Variants in DGKG observed in about 807,000 individuals in gnomAD.
The protein encoded by DGKG is diacylglycerol kinase gamma.
In DGKG, 78 loss-of-function variants were observed where a neutral mutation model predicts 105.3. The observed-to-expected ratio is 0.74, with a 90% confidence interval of 0.62 to 0.89. The LOEUF is 0.89. DGKG is among the 40% of genes least tolerant of loss of function. The pLI, the probability that DGKG is intolerant of heterozygous loss-of-function variation, is 0.00. For missense variants in DGKG, 958 were observed against 1,020.1 expected (o/e 0.94, Z 0.83); for synonymous variants, 346 against 367.1 (o/e 0.94, Z 0.66).
chr3:186,279,883 G>T lies in DGKG; in HGVS notation c.760C>A (p.Pro254Thr). 3 of 1,613,808 alleles carry T rather than the reference G, an allele frequency of 1.9e-6. No individual in the cohort carries two copies. Among genetic ancestry groups the T allele is most frequent in the Non-Finnish European group, 2.5e-6 (3 of 1,179,860 alleles). The stretch of plus-strand genomic sequence containing the variant: ...TCCATCCCCAGGAGGACCAGCAATG[G>T]GATGGTGGTCATCCCTCCATGGACC... Reference protein sequence around the residue: ...EWVHGGMTTIPLLVLLGMDDS... With the variant: ...EWVHGGMTTITLLVLLGMDDS... The change falls in exon 9 of 25, where the codon CCA becomes ACA. Residue 254 changes from proline to threonine, a missense_variant. Physicochemically the swap from Pro to Thr is conservative, Grantham distance 38. This residue lies in a region of DGKG where 643 missense variants were observed against 619.5 expected (regional missense o/e 1.04). Coordinates refer to ENST00000265022, the MANE Select transcript of DGKG (RefSeq NM_001346.3).
chr3:186,194,465 G>T (rs1190037931), intron 21 of DGKG, among the ~76,000 whole-genome samples: 1 of 152,244 alleles, frequency 6.6e-6, no homozygotes. Context: ...CAGCCCTGTC[G>T]ATCCTATTTC....
chr3:186,285,025 G>A (rs952063240), intron 6 of DGKG, among the ~76,000 whole-genome samples: 12 of 152,224 alleles, frequency 7.9e-5, no homozygotes, highest in African/African-American at 2.7e-4. Flanking sequence ...CAAATGCCCA[G>A]CTGGGGGTGG....
chr3:186,195,314 A>G (rs1248009339), intron 21 of DGKG, among the ~76,000 whole-genome samples: 1 of 152,150 alleles, frequency 6.6e-6, no homozygotes, highest in Non-Finnish European at 1.5e-5. Context: ...ACAAACAAAA[A>G]AAAGAATTAC....
chr3:186,212,009 A>G (rs762607967), intron 20 of DGKG, 124 bp from the exon 21 acceptor site: 5 of 721,402 alleles, frequency 6.9e-6, no homozygotes, highest in Non-Finnish European at 1.2e-5. Context: ...CATTTTCAGC[A>G]CTTGTTAATC....
chr3:186,272,455 G>C (rs759612390), intron 10 of DGKG, 112 bp from the exon 11 acceptor site: 2 of 743,034 alleles, frequency 2.7e-6, no homozygotes, highest in Non-Finnish European at 4.7e-6. Context: ...GCTGGCGAGG[G>C]GCAGGGGACA....
chr3:186,154,671 A>T (rs938264058), intron 24 of DGKG, among the ~76,000 whole-genome samples: 1 of 151,458 alleles, frequency 6.6e-6, no homozygotes, highest in Middle Eastern at 3.2e-3. Flanking sequence ...AAAGAAAAGA[A>T]AAAGAAAAAA....
At chr3:186,200,748 G>C (rs1718415969) in intron 21 of DGKG, among the ~76,000 whole-genome samples, 1 of 152,230 alleles carries the variant, frequency 6.6e-6, no homozygotes, top group African/African-American at 2.4e-5. Flanking sequence ...CTGGAAAGTG[G>C]CTGCATCTGT....
In DGKG at chr3:186,284,400, A is replaced by G. The variant is rs920637432; in HGVS notation, c.594+260T>C. Among the ~76,000 whole-genome samples, 1 of 152,184 alleles carries G rather than the reference A, an allele frequency of 6.6e-6. No individual in the cohort carries two copies. Among genetic ancestry groups the G allele is most frequent in the Admixed American group, 6.5e-5 (1 of 15,284 alleles). On this transcript the variant is annotated intron_variant, in intron 7 of 24. Transcript: ENST00000265022. This position sits in a 1 kb window ranked among gnomAD's most constrained non-coding sequence, Gnocchi z 4.0. ...TGAATGGGAAGTTAAACTAGGTGAC[A>G]TGCTAAAGCATCCCTCCATCCTGAG...
In DGKG at chr3:186,262,724, T is replaced by A. The variant is rs1161132544; in HGVS notation, c.1270-946A>T. Among the ~76,000 whole-genome samples the A allele has an allele frequency of 3.9e-5, 6 of 152,258 alleles. No individual in the cohort carries two copies. In the East Asian group the frequency reaches 1.2e-3, roughly 29 times the overall value. ...TGCAGCCAAGTCCTGCTCTTGCTCC[T>A]CTAGTAAGTCTAGAGTGTGTCTCTT... On this transcript the variant is annotated intron_variant, in intron 14 of 24. Transcript: ENST00000265022.
intron 20 of DGKG, among the ~76,000 whole-genome samples, chr3:186,236,671 C>T (rs989985081): frequency 6.6e-6 from 1 of 152,224 alleles, no homozygotes; most frequent in African/African-American, 2.4e-5. Flanking sequence ...AGCCCCTCAT[C>T]AGTGACTCCA....
At chr3:186,205,889 C>T (rs567011952) in intron 21 of DGKG, among the ~76,000 whole-genome samples, 19 of 151,580 alleles carry the variant, frequency 1.3e-4, no homozygotes, top group African/African-American at 4.6e-4. Context: ...TCAATAAATA[C>T]TAAAAAAAAA....
intron 8 of DGKG, 125 bp downstream of exon 8, chr3:186,280,545 A>G: frequency 1.5e-6 from 1 of 678,564 alleles, no homozygotes; most frequent in Non-Finnish European, 2.5e-6. Flanking sequence ...GACTCCAAAG[A>G]AGCTGCCTAT....
At chr3:186,269,682 C>T (rs890562533) in intron 11 of DGKG, among the ~76,000 whole-genome samples, 4 of 152,018 alleles carry the variant, frequency 2.6e-5, no homozygotes, top group African/African-American at 4.8e-5. Context: ...AACGTGAAGC[C>T]GAGACTAAAA....
intron 1 of DGKG, among the ~76,000 whole-genome samples, chr3:186,358,330 T>C (rs1166736319): frequency 6.6e-6 from 1 of 152,238 alleles, no homozygotes; most frequent in Non-Finnish European, 1.5e-5. Flanking sequence ...TGGGCTTCCC[T>C]GAAGGATGTT....
intron 2 of DGKG, among the ~76,000 whole-genome samples, chr3:186,315,996 A>G (rs1008019663): frequency 6.6e-6 from 1 of 152,216 alleles, no homozygotes; most frequent in African/African-American, 2.4e-5. Context: ...TTTCCAGGTT[A>G]CCCTGCTGAA....
intron 10 of DGKG, among the ~76,000 whole-genome samples, chr3:186,273,329 G>A (rs1722410961): frequency 1.3e-5 from 2 of 148,992 alleles, no homozygotes; most frequent in Admixed American, 1.3e-4. Flanking sequence ...GTGGGTAAGA[G>A]CTGGGTTTGA....
chr3:186,325,265 C>CTGAAAAAT (rs1725283433), intron 1 of DGKG, among the ~76,000 whole-genome samples: 1 of 152,040 alleles, frequency 6.6e-6, no homozygotes, highest in East Asian at 1.9e-4. Flanking sequence ...GGGGCAAAGG[C>CTGAAAAAT]TGAAAAACTG....
In DGKG at chr3:186,211,787, G is replaced by A. The variant is rs1366592350; in HGVS notation, c.1917+8C>T. 1.2e-6 allele frequency: 2 copies of A among 1,611,994 alleles called. No individual in the cohort carries two copies. Among genetic ancestry groups the A allele is most frequent in the Admixed American group, 1.7e-5 (1 of 60,014 alleles). On this transcript the variant is annotated splice_region_variant and intron_variant, in intron 21 of 24. Coordinates refer to ENST00000265022, the MANE Select transcript of DGKG (RefSeq NM_001346.3). ...TCCAGGAAGCCTTCTCCCCACTTGG[G>A]AACTTACCTCCAACTCAATGTGGTC...
intron 20 of DGKG, among the ~76,000 whole-genome samples, chr3:186,230,215 G>A (rs1360762932): frequency 6.6e-6 from 1 of 152,124 alleles, no homozygotes; most frequent in African/African-American, 2.4e-5. Flanking sequence ...CCGAGATCAC[G>A]CCACTGCACT....
Sources: gnomAD v4.1 joint callset for allele counts (sites outside exome capture counted in the v4.1 genomes callset) on GRCh38, gnomAD v4.1.1 for gene constraint, gnomAD v4.1.1 regional missense constraint, Gnocchi (gnomAD v3.1) non-coding constraint, MANE v1.5 for transcripts, NCBI Gene and HGNC (gene_info 2026-07-23, HGNC 2026-07-21) for gene names.